The following RSF1 variants were observed in gnomAD, a reference collection of about 807,000 sequenced individuals.
The protein encoded by RSF1 is HBV pX-associated protein 8.
RSF1 carries 13 observed loss-of-function variants against 145.2 expected under a neutral mutation model. The observed-to-expected ratio is 0.09, with a 90% CI of 0.06 to 0.14. RSF1 has a LOEUF of 0.14. Among genes scored for constraint, RSF1 ranks in the 10% least tolerant of loss-of-function variants. The probability of loss-of-function intolerance (pLI) is 1.00; values close to 1 mark genes in which losing one functional copy is unlikely to be tolerated. For synonymous variants in RSF1, 577 were observed against 592.6 expected (o/e 0.97, Z 0.38); for missense variants, 1,517 against 1,718.2 (o/e 0.88, Z 2.07).
At chr11:77,759,682 A>C (rs1948151721) in intron 2 of RSF1, among the ~76,000 whole-genome samples, 1 of 152,270 alleles carries the variant, frequency 6.6e-6, no homozygotes, top group South Asian at 2.1e-4. Flanking sequence ...GCAAGACTCC[A>C]TCTCAAAAAG....
chr11:77,729,019 G>A (rs1183223835), intron 4 of RSF1, among the ~76,000 whole-genome samples: 1 of 152,184 alleles, frequency 6.6e-6, no homozygotes, highest in Admixed American at 6.5e-5. Context: ...TGTGGAGTGA[G>A]AGAAAAAGCA....
chr11:77,843,542 AG>A, the RSF1 span, among the ~76,000 whole-genome samples: 3 of 152,188 alleles, frequency 2.0e-5, no homozygotes, highest in African/African-American at 7.2e-5. Context: ...GGGATGGGGC[AG>A]GAAGGCATTT....
chr11:77,785,107 C>A (rs1283933125), intron 1 of RSF1, among the ~76,000 whole-genome samples: 2 of 152,188 alleles, frequency 1.3e-5, no homozygotes, highest in Admixed American at 6.5e-5. Context: ...AGGCAGGAAA[C>A]CCTGGTAGTG....
intron 3 of RSF1, among the ~76,000 whole-genome samples, chr11:77,745,240 T>A (rs1947987434): frequency 6.6e-6 from 1 of 152,154 alleles, no homozygotes; most frequent in African/African-American, 2.4e-5. Flanking sequence ...TTGTTTATCT[T>A]TTCTACTGTT....
At chr11:77,758,257 G>A (rs749630131) in intron 2 of RSF1, among the ~76,000 whole-genome samples, 3 of 152,090 alleles carry the variant, frequency 2.0e-5, no homozygotes, top group East Asian at 1.9e-4. Flanking sequence ...ATTTTTAAGC[G>A]GATATCCAGT....
At chr11:77,803,464 CAAAACAAA>C (rs1948646237) in intron 1 of RSF1, among the ~76,000 whole-genome samples, 1 of 147,588 alleles carries the variant, frequency 6.8e-6, no homozygotes, top group African/African-American at 2.5e-5. Context: ...AGTTCTATCA[CAAAACAAA>C]TACCCTAATA....
the RSF1 span, chr11:77,868,962 G>T: frequency 3.6e-6 from 1 of 275,218 alleles, no homozygotes; most frequent in Non-Finnish European, 7.0e-6. Flanking sequence ...TAACTTATTT[G>T]TTTACAACAA....
intron 4 of RSF1, among the ~76,000 whole-genome samples, chr11:77,734,296 TA>T (rs1961282171): frequency 7.9e-6 from 1 of 126,748 alleles, no homozygotes; most frequent in Non-Finnish European, 1.6e-5. Context: ...ATATTATTAT[TA>T]TTACTTTTTT....
intron 4 of RSF1, among the ~76,000 whole-genome samples, chr11:77,730,966 A>T (rs1961193104): frequency 6.6e-6 from 1 of 152,142 alleles, no homozygotes; most frequent in African/African-American, 2.4e-5. Context: ...TGGTATCAGG[A>T]GTGGGGCGTT....
chr11:77,825,439 G>A (rs1486540706), upstream of RSF1, among the ~76,000 whole-genome samples: 3 of 152,082 alleles, frequency 2.0e-5, no homozygotes, highest in African/African-American at 7.2e-5. Context: ...GCGCACGGTG[G>A]TTCAAAAAAG....
chr11:77,832,949 ATATGTGTGTGTG>A, the RSF1 span, among the ~76,000 whole-genome samples: 957 of 96,198 alleles, frequency 9.9e-3, 32 homozygotes, highest in African/African-American at 0.029. Flanking sequence ...TTGTATATAT[ATATGTGTGTGTG>A]TGTGTGTGTG....
chr11:77,791,634 C>T (rs575579145), intron 1 of RSF1, among the ~76,000 whole-genome samples: 15 of 152,194 alleles, frequency 9.9e-5, no homozygotes, highest in Admixed American at 2.6e-4. Context: ...AAATTTCTTC[C>T]GCCAGATACC....
At chr11:77,737,592 A>G (rs1375765093) in intron 4 of RSF1, among the ~76,000 whole-genome samples, 1 of 148,178 alleles carries the variant, frequency 6.7e-6, no homozygotes, top group Non-Finnish European at 1.5e-5. Flanking sequence ...AATTTTAACA[A>G]ATGGAAAGAA....
chr11:77,785,690 G>A (rs1291009518), intron 1 of RSF1, among the ~76,000 whole-genome samples: 1 of 151,702 alleles, frequency 6.6e-6, no homozygotes, highest in Non-Finnish European at 1.5e-5. Flanking sequence ...AGTGGCTTAC[G>A]CCTGTAATCC....
chr11:77,825,671 A>G (rs1259730938), upstream of RSF1, among the ~76,000 whole-genome samples: 1 of 152,014 alleles, frequency 6.6e-6, no homozygotes, highest in African/African-American at 2.4e-5. Context: ...AGACACCTTT[A>G]GAAGTGTCTT....
chr11:77,671,246 CTA>C (rs2135811290), intron 15 of RSF1, among the ~76,000 whole-genome samples: 1 of 124,598 alleles, frequency 8.0e-6, no homozygotes, highest in African/African-American at 3.0e-5. Flanking sequence ...ACAAAAAAGA[CTA>C]AATGGATGTA....
intron 1 of RSF1, among the ~76,000 whole-genome samples, chr11:77,789,528 G>C (rs1948494856): frequency 6.6e-6 from 1 of 152,148 alleles, no homozygotes. Context: ...AGGCCACTAT[G>C]GCCACAGCTG....
At position 77,666,865 on chromosome 11, in the gene RSF1, C is replaced by A; in HGVS notation, c.*52G>T. On this transcript the variant is annotated 3_prime_UTR_variant, in exon 16 of 16. Coordinates refer to ENST00000308488, the MANE Select transcript of RSF1 (RefSeq NM_016578.4). ...TAAACAGCTTTTAATAACTGGCCCG[C>A]TGGTGTGAGAGCTACCGTGGAATAA... 4.3e-6 allele frequency: 6 copies of A among 1,406,346 alleles called. No homozygotes were observed. Among genetic ancestry groups the A allele is most frequent in the Non-Finnish European group, 4.8e-6 (5 of 1,046,126 alleles). The allele number at this position is 1,406,346 out of a possible 1,614,324, so 87.1% of individuals were successfully genotyped here.
At chr11:77,822,954 G>A (rs1178946362), upstream of RSF1, among the ~76,000 whole-genome samples, 3 of 152,140 alleles carry the variant, frequency 2.0e-5, no homozygotes, top group Non-Finnish European at 4.4e-5. Flanking sequence ...TGTGGCTCAC[G>A]CCTGTAATCC....
Sources: allele counts gnomAD v4.1 joint callset (sites outside exome capture counted in the v4.1 genomes callset), GRCh38; gene constraint gnomAD v4.1.1; transcripts MANE v1.5; gene names NCBI Gene and HGNC (gene_info 2026-07-23, HGNC 2026-07-21).